The following SULT1E1 variants were observed in gnomAD, a reference collection of about 807,000 sequenced individuals.
SULT1E1 encodes sulfotransferase 1E1.
In SULT1E1, 36 loss-of-function variants were observed where a neutral mutation model predicts 33.6. That is an observed-to-expected ratio of 1.07 (90% CI 0.82 to 1.41). The LOEUF (loss-of-function observed/expected upper bound fraction) is 1.41. SULT1E1 is among the 40% of genes most tolerant of loss of function. The probability of loss-of-function intolerance (pLI) is 0.00; values close to 1 mark genes in which losing one functional copy is unlikely to be tolerated. For synonymous variants in SULT1E1, 121 were observed against 111.7 expected, an observed-to-expected ratio of 1.08 and a Z score of -0.53; for missense variants, 371 against 345.7, an observed-to-expected ratio of 1.07 and a Z score of -0.58.
intron 4 of SULT1E1, among the ~76,000 whole-genome samples, chr4:69,852,124 TA>T (rs1308791033): frequency 1.3e-5 from 2 of 151,910 alleles, no homozygotes; most frequent in African/African-American, 4.8e-5. Context: ...GAAGTATAAT[TA>T]AAAAAAGACC....
the SULT1E1 span, among the ~76,000 whole-genome samples, chr4:69,834,478 G>A: frequency 1.3e-5 from 2 of 151,922 alleles, no homozygotes; most frequent in Non-Finnish European, 2.9e-5. Context: ...CACTTCAATT[G>A]CCCACTTCTT....
At chr4:69,830,876 A>G in the SULT1E1 span, among the ~76,000 whole-genome samples, 6 of 152,198 alleles carry the variant, frequency 3.9e-5, no homozygotes, top group Admixed American at 2.6e-4. Context: ...TCATGAGATC[A>G]GTGATTGAAA....
At chr4:69,854,094 C>A in intron 4 of SULT1E1, 123 bp downstream of exon 4, 3 of 560,290 alleles carry the variant, frequency 5.4e-6, no homozygotes, top group Middle Eastern at 2.8e-4. Flanking sequence ...GTATTTATTC[C>A]ACATTTGTTA....
chr4:69,857,292 CA>C (rs1248692057), intron 2 of SULT1E1, among the ~76,000 whole-genome samples: 6 of 152,108 alleles, frequency 3.9e-5, no homozygotes, highest in Non-Finnish European at 8.8e-5. Flanking sequence ...TAACTGTGCT[CA>C]ACAACATCCA....
At chr4:69,822,374 A>C in the SULT1E1 span, among the ~76,000 whole-genome samples, 1 of 152,268 alleles carries the variant, frequency 6.6e-6, no homozygotes, top group African/African-American at 2.4e-5. Context: ...TTGGAGGCCA[A>C]GGCAGGAGGA....
At chr4:69,850,616 C>T (rs1233131479) in intron 4 of SULT1E1, among the ~76,000 whole-genome samples, 1 of 152,044 alleles carries the variant, frequency 6.6e-6, no homozygotes, top group Non-Finnish European at 1.5e-5. Context: ...TTACTTATAA[C>T]CCTTCCTAGT....
In SULT1E1 at chr4:69,857,659, A is replaced by T. The variant is rs1721272510; in HGVS notation, c.-9-6T>A. On this transcript the variant is annotated splice_region_variant and splice_polypyrimidine_tract_variant and intron_variant, in intron 1 of 7. Coordinates refer to ENST00000226444, the MANE Select transcript of SULT1E1 (RefSeq NM_005420.3). The stretch of plus-strand genomic sequence containing the variant: ...TCAGAATTCATTGTGGTACACTGAA[A>T]AAAAACCTCTGCTTTATACTTTGTA... 6.3e-7 allele frequency: 1 copy of T among 1,577,750 alleles called. No homozygotes were observed.
the SULT1E1 span, among the ~76,000 whole-genome samples, chr4:69,830,733 TC>T: frequency 0.047 from 7,105 of 152,280 alleles, 558 homozygotes; most frequent in African/African-American, 0.16. Context: ...CTGGCACTCT[TC>T]CATATTAAAC....
At chr4:69,835,116 C>G in the SULT1E1 span, among the ~76,000 whole-genome samples, 1 of 152,136 alleles carries the variant, frequency 6.6e-6, no homozygotes, top group Admixed American at 6.6e-5. Flanking sequence ...TTACCTAGTC[C>G]TTCACACATA....
In SULT1E1 at chr4:69,847,562, T is replaced by A. The variant is rs190080810; in HGVS notation, c.591+136A>T. Reference sequence around the variant, plus strand: ...AATCTATGCTAAAGTATCTGTATTATTTTGGTCCTTTCCTTTTAAAAATTT... The same window carrying A: ...AATCTATGCTAAAGTATCTGTATTAATTTGGTCCTTTCCTTTTAAAAATTT... On this transcript the variant is annotated intron_variant, in intron 6 of 7. Coordinates refer to ENST00000226444, the MANE Select transcript of SULT1E1 (RefSeq NM_005420.3). 9 of 503,424 alleles carry A rather than the reference T, an allele frequency of 1.8e-5. No individual in the cohort carries two copies. In the East Asian group the frequency reaches 2.6e-4, roughly 14 times the overall value. 31.2% of individuals were successfully genotyped at this position (503,424 alleles called of 1,614,324 possible). A position where few individuals can be genotyped will look rare whatever the true frequency, so the allele number is the denominator to read the frequency against.
intron 2 of SULT1E1, among the ~76,000 whole-genome samples, chr4:69,856,200 A>C (rs948487324): frequency 2.0e-5 from 3 of 152,212 alleles, no homozygotes; most frequent in African/African-American, 7.2e-5. Flanking sequence ...TTGGAAATAG[A>C]CTATAAGACG....
rs1250466056 is a variant in SULT1E1, at chr4:69,854,221, C to G, written c.365G>C (p.Cys122Ser). ...LLPASFWEKD[C>S]KIIYLCRNAK... ...AGAACACTTGACTCTGGTTACCTTA[C>G]AATCCTTTTCCCAAAATGAGGCAGG... Residue 122 changes from cysteine (C) to serine (S), a missense_variant, in exon 4 of 8, where the codon TGT (cysteine) becomes TCT (serine). By Grantham distance (112) the Cys-to-Ser change is moderately radical. Coordinates refer to ENST00000226444, the MANE Select transcript of SULT1E1 (RefSeq NM_005420.3). The G allele has an allele frequency of 1.9e-6, 3 of 1,610,628 alleles. No individual in the cohort carries two copies. The highest frequency in any genetic ancestry group is 2.5e-6 in the Non-Finnish European group (3 of 1,177,792).
At chr4:69,855,158 A>T in intron 3 of SULT1E1, 143 bp downstream of exon 3, 1 of 835,960 alleles carries the variant, frequency 1.2e-6, no homozygotes, top group Non-Finnish European at 1.8e-6. Context: ...CAAGATTTAA[A>T]TTTAAATTTA....
chr4:69,840,035 T>G (rs1720855226), downstream of SULT1E1, among the ~76,000 whole-genome samples: 1 of 152,208 alleles, frequency 6.6e-6, no homozygotes, highest in Non-Finnish European at 1.5e-5. Flanking sequence ...AAAAAAGTTA[T>G]TGGACATTAT....
At chr4:69,829,219 G>T in the SULT1E1 span, among the ~76,000 whole-genome samples, 1,005 of 152,272 alleles carry the variant, frequency 6.6e-3, 12 homozygotes, top group African/African-American at 0.023. Flanking sequence ...TCCTGCATTA[G>T]CCTATATTCA....
At position 69,855,321 on chromosome 4, in the gene SULT1E1, C is replaced by T. The variant is rs201713752; in HGVS notation, c.251G>A (p.Arg84Lys). 6.2e-7 allele frequency: 1 copy of T among 1,612,562 alleles called. No individual in the cohort carries two copies. The highest frequency in any genetic ancestry group is 2.2e-5 in the East Asian group (1 of 44,770). ...GTTACCATTCATGAGGTTTTCTTTTCTGCATTCCAGGAAAGGTATTCGATT... is the reference window on the plus strand; with the variant it reads ...GTTACCATTCATGAGGTTTTCTTTTTTGCATTCCAGGAAAGGTATTCGATT... The part of the protein sequence containing the change: ...IFNRIPFLEC[R>K]KENLMNGVKQ... Residue 84 changes from arginine to lysine, a missense_variant, in exon 3 of 8, where the codon AGA becomes AAA. Coordinates refer to ENST00000226444, the MANE Select transcript of SULT1E1 (RefSeq NM_005420.3).
chr4:69,844,445 TAGAATTAGATTTCTAATG>T, intron 6 of SULT1E1, 104 bp from the exon 7 acceptor site: 1 of 813,868 alleles, frequency 1.2e-6, no homozygotes, highest in Non-Finnish European at 1.8e-6. Flanking sequence ...CTACTGATAT[TAGAATTAGATTTCTAATG>T]AGAAATCTAA....
chr4:69,832,616 C>G, the SULT1E1 span, among the ~76,000 whole-genome samples: 2 of 152,104 alleles, frequency 1.3e-5, no homozygotes, highest in South Asian at 4.1e-4. Context: ...ACTATGCAGC[C>G]CAGATGGTCA....
intron 4 of SULT1E1, among the ~76,000 whole-genome samples, chr4:69,852,052 A>G (rs1330331027): frequency 6.6e-6 from 1 of 152,148 alleles, no homozygotes; most frequent in African/African-American, 2.4e-5. Context: ...GCAGGATACC[A>G]ACATGGCACA....
Sources: allele counts gnomAD v4.1 joint callset (sites outside exome capture counted in the v4.1 genomes callset), GRCh38; gene constraint gnomAD v4.1.1; transcripts MANE v1.5; gene names NCBI Gene and HGNC (gene_info 2026-07-23, HGNC 2026-07-21).